DAB1: variants seen among roughly 807,000 people sequenced by gnomAD.
DAB1 encodes the protein DAB adaptor protein 1.
A neutral mutation model predicts 64.6 loss-of-function variants in DAB1; 15 were observed. The ratio of observed to expected loss-of-function variants is 0.23; its 90% CI spans 0.16 to 0.36. The LOEUF is 0.36. Among genes scored for constraint, DAB1 ranks in the 10% least tolerant of loss-of-function variants. DAB1 has a pLI of 1.00. For synonymous variants in DAB1, 235 were observed against 251.9 expected, an observed-to-expected ratio of 0.93 and a Z score of 0.64; for missense variants, 596 against 706.7, an observed-to-expected ratio of 0.84 and a Z score of 1.78.
At chr1:57,639,926 G>C (rs2101640140) in intron 7 of DAB1, among the ~76,000 whole-genome samples, 1 of 152,272 alleles carries the variant, frequency 6.6e-6, no homozygotes, top group East Asian at 1.9e-4. Context: ...TCTAATTGCA[G>C]ATAAAAGAAA....
At chr1:57,641,486 C>T (rs1646129790) in intron 7 of DAB1, among the ~76,000 whole-genome samples, 1 of 144,894 alleles carries the variant, frequency 6.9e-6, no homozygotes, top group Non-Finnish European at 1.5e-5. Flanking sequence ...GGGGTTTACG[C>T]CATTCTCCTG....
intron 9 of DAB1, among the ~76,000 whole-genome samples, chr1:57,035,833 C>CTTTTTT (rs35389635): frequency 2.4e-4 from 15 of 61,918 alleles, no homozygotes; most frequent in African/African-American, 4.5e-4. Flanking sequence ...CGCACATGCA[C>CTTTTTT]TTTTTTTTTT....
At chr1:58,246,614 G>A (rs111500472) in intron 4 of DAB1, among the ~76,000 whole-genome samples, 61 of 152,302 alleles carry the variant, frequency 4.0e-4, no homozygotes, top group African/African-American at 1.2e-3. Flanking sequence ...TGCATATGAT[G>A]TGTGTGGGTA....
chr1:58,337,405 T>G (rs180697900), intron 4 of DAB1, among the ~76,000 whole-genome samples: 184 of 152,354 alleles, frequency 1.2e-3, no homozygotes, highest in Non-Finnish European at 1.3e-3. Flanking sequence ...AAGTTTATTT[T>G]ATAAGCATTT....
chr1:57,780,198 T>C (rs911411679), intron 6 of DAB1, among the ~76,000 whole-genome samples: 3 of 152,054 alleles, frequency 2.0e-5, no homozygotes, highest in Non-Finnish European at 2.9e-5. Context: ...ATTGTGTCAA[T>C]CATGGGCCAG....
intron 4 of DAB1, among the ~76,000 whole-genome samples, chr1:58,332,704 T>C (rs548697626): frequency 6.0e-4 from 92 of 152,144 alleles, no homozygotes; most frequent in African/African-American, 2.2e-3. Flanking sequence ...GGAATGATAA[T>C]CAAATACAAT....
At chr1:58,043,741 T>G (rs2100510443) in intron 5 of DAB1, among the ~76,000 whole-genome samples, 1 of 152,284 alleles carries the variant, frequency 6.6e-6, no homozygotes, top group East Asian at 1.9e-4. Flanking sequence ...CACATTTTTT[T>G]TTTTAAGACG....
At chr1:57,436,200 A>G (rs1229334230) in intron 7 of DAB1, among the ~76,000 whole-genome samples, 1 of 152,084 alleles carries the variant, frequency 6.6e-6, no homozygotes, top group Non-Finnish European at 1.5e-5. Flanking sequence ...TACAGGCGTG[A>G]GCCACCATGC....
At chr1:57,336,943 C>T (rs1677127629) in intron 1 of DAB1, among the ~76,000 whole-genome samples, 2 of 152,202 alleles carry the variant, frequency 1.3e-5, no homozygotes, top group Admixed American at 1.3e-4. Context: ...TCCTTCTACA[C>T]AGTATTGCCT....
intron 7 of DAB1, among the ~76,000 whole-genome samples, chr1:57,443,673 C>A (rs575592652): frequency 4.6e-5 from 7 of 152,152 alleles, no homozygotes; most frequent in African/African-American, 1.7e-4. Flanking sequence ...CAGACTAGAA[C>A]GCATCCTTGA....
Position 58,476,425 on chromosome 1 carries a change from C to T in DAB1, n.257+29635G>A, listed in dbSNP as rs567536018. Among the ~76,000 whole-genome samples, 217 of 152,212 alleles carry T rather than the reference C, an allele frequency of 1.4e-3. 2 individuals are homozygous for T. The highest frequency in any genetic ancestry group is 3.1e-3 in the South Asian group (15 of 4,818). ...CTGGGCATGAGTCTAGACACACCAACCCTTCAAGACAGAACTTAGTGGTGT... is the reference window on the plus strand; with the variant it reads ...CTGGGCATGAGTCTAGACACACCAATCCTTCAAGACAGAACTTAGTGGTGT... On this transcript the variant is annotated intron_variant and non_coding_transcript_variant, in intron 3 of 20. Transcript: ENST00000485760.
chr1:57,590,310 T>TTTTATTTA (rs58148255), intron 7 of DAB1, among the ~76,000 whole-genome samples: 2,926 of 151,164 alleles, frequency 0.019, 104 homozygotes, highest in African/African-American at 0.062. Context: ...TTTTCTTTTC[T>TTTTATTTA]TTTATTTATT....
chr1:57,553,217 T>G (rs912061498), intron 7 of DAB1, among the ~76,000 whole-genome samples: 2 of 150,888 alleles, frequency 1.3e-5, no homozygotes, highest in Admixed American at 1.3e-4. Flanking sequence ...GGCTTTGGAG[T>G]TTTTAGTGGG....
intron 4 of DAB1, among the ~76,000 whole-genome samples, chr1:58,231,926 A>T (rs1233128636): frequency 1.3e-5 from 2 of 152,232 alleles, no homozygotes; most frequent in African/African-American, 4.8e-5. Flanking sequence ...AGATTCACAG[A>T]GATTAAGTAA....
At chr1:58,422,829 AT>A (rs1164688507) in intron 3 of DAB1, among the ~76,000 whole-genome samples, 1 of 152,072 alleles carries the variant, frequency 6.6e-6, no homozygotes, top group African/African-American at 2.4e-5. Context: ...AAAGAAAAAA[AT>A]CAAGCCTCTG....
At chr1:57,137,610 A>G (rs979865199) in intron 3 of DAB1, among the ~76,000 whole-genome samples, 5 of 152,208 alleles carry the variant, frequency 3.3e-5, no homozygotes, top group African/African-American at 1.2e-4. Context: ...ACCATGCATT[A>G]GGGACCTTGA....
chr1:57,496,598 C>T (rs1357598628), intron 7 of DAB1, among the ~76,000 whole-genome samples: 1 of 152,178 alleles, frequency 6.6e-6, no homozygotes, highest in African/African-American at 2.4e-5. Flanking sequence ...AAAATAGACT[C>T]AGAAAGGAAA....
At chr1:57,444,822 T>G (rs897605016) in intron 7 of DAB1, among the ~76,000 whole-genome samples, 2 of 152,210 alleles carry the variant, frequency 1.3e-5, no homozygotes, top group Non-Finnish European at 2.9e-5. Flanking sequence ...TTCAGAATTC[T>G]GTCCTGCAAA....
intron 3 of DAB1, among the ~76,000 whole-genome samples, chr1:58,483,363 G>A (rs1645521844): frequency 6.6e-6 from 1 of 152,162 alleles, no homozygotes; most frequent in Non-Finnish European, 1.5e-5. Context: ...CCACAGGAGA[G>A]AGGGACTTGT....
Sources: gnomAD v4.1 joint callset for allele counts (sites outside exome capture counted in the v4.1 genomes callset) on GRCh38, gnomAD v4.1.1 for gene constraint, MANE v1.5 for transcripts, NCBI Gene and HGNC (gene_info 2026-07-23, HGNC 2026-07-21) for gene names.